The following CCDC178 variants were observed in gnomAD, a reference collection of about 807,000 sequenced individuals.
CCDC178 encodes the protein coiled-coil domain-containing protein 178.
A neutral mutation model predicts 117.4 loss-of-function variants in CCDC178; 126 were observed. The observed-to-expected ratio is 1.07, with a 90% confidence interval of 0.93 to 1.24. CCDC178 has a LOEUF of 1.24. CCDC178 is among the 50% of genes most tolerant of loss of function. CCDC178 has a pLI of 0.00. For synonymous variants in CCDC178, 283 were observed against 313.4 expected, an observed-to-expected ratio of 0.90 and a Z score of 1.02; for missense variants, 1,030 against 986.9, an observed-to-expected ratio of 1.04 and a Z score of -0.59.
intron 15 of CCDC178, among the ~76,000 whole-genome samples, chr18:33,238,506 TA>T (rs966762841): frequency 5.3e-5 from 8 of 151,044 alleles, no homozygotes; most frequent in South Asian, 2.1e-4. Flanking sequence ...GTAAATGAAA[TA>T]AAAAAAATAG....
At chr18:33,384,301 T>A (rs1014392787) in intron 5 of CCDC178, among the ~76,000 whole-genome samples, 1 of 152,078 alleles carries the variant, frequency 6.6e-6, no homozygotes, top group African/African-American at 2.4e-5. Context: ...CAGGACACCA[T>A]CCAGGAGAAC....
chr18:33,145,511 C>A (rs989130598), intron 20 of CCDC178, among the ~76,000 whole-genome samples: 5 of 152,060 alleles, frequency 3.3e-5, no homozygotes, highest in Non-Finnish European at 5.9e-5. Context: ...TCATAAAGCA[C>A]AATATTGACC....
At position 33,428,485 on chromosome 18, in the gene CCDC178, G is replaced by A. The variant is rs2064152699; in HGVS notation, c.-23+11477C>T. On this transcript the variant is annotated intron_variant, in intron 2 of 22. Transcript: ENST00000383096. ...AGGAGTGTGTCACCATGTAATCCCA[G>A]CACTTTGGGAGGCCGAGGCAGGCAG... Among the ~76,000 whole-genome samples, 8 of 152,006 alleles carry A rather than the reference G, an allele frequency of 5.3e-5. No individual in the cohort carries two copies. The South Asian group carries it at 1.7e-3, about 32-fold the overall frequency.
chr18:33,423,368 A>G (rs577650703), intron 2 of CCDC178, among the ~76,000 whole-genome samples: 18 of 152,262 alleles, frequency 1.2e-4, no homozygotes, highest in Admixed American at 6.5e-4. Context: ...GTATACTGTA[A>G]AAAAATTCGA....
At chr18:32,942,220 T>G (rs1163176765) in intron 22 of CCDC178, among the ~76,000 whole-genome samples, 1 of 152,090 alleles carries the variant, frequency 6.6e-6, no homozygotes, top group Admixed American at 6.6e-5. Flanking sequence ...GAGAACAGAG[T>G]GACCCACCAG....
At chr18:33,117,180 A>C (rs886122228) in intron 20 of CCDC178, among the ~76,000 whole-genome samples, 2 of 152,076 alleles carry the variant, frequency 1.3e-5, no homozygotes, top group African/African-American at 2.4e-5. Flanking sequence ...CTCATATTAA[A>C]ATTTACCAAA....
chr18:33,094,925 G>A (rs1011880985), intron 20 of CCDC178, among the ~76,000 whole-genome samples: 2 of 151,918 alleles, frequency 1.3e-5, no homozygotes, highest in African/African-American at 4.8e-5. Flanking sequence ...GATGTATAAT[G>A]AAGTTTAAGT....
chr18:33,435,157 T>C (rs930660862), intron 2 of CCDC178, among the ~76,000 whole-genome samples: 1 of 152,176 alleles, frequency 6.6e-6, no homozygotes, highest in African/African-American at 2.4e-5. Flanking sequence ...TTATTCCACT[T>C]AAGAGTTAAT....
At chr18:33,191,647 G>A (rs180985539) in intron 20 of CCDC178, among the ~76,000 whole-genome samples, 19 of 152,242 alleles carry the variant, frequency 1.2e-4, no homozygotes, top group African/African-American at 4.6e-4. Context: ...GAGGTTTCAT[G>A]TGCATAGAGA....
chr18:33,158,721 A>C (rs2058429455), intron 20 of CCDC178, among the ~76,000 whole-genome samples: 1 of 152,090 alleles, frequency 6.6e-6, no homozygotes, highest in Non-Finnish European at 1.5e-5. Flanking sequence ...TAGTGAAAGG[A>C]GTAGGAATTA....
intron 12 of CCDC178, among the ~76,000 whole-genome samples, chr18:33,281,672 G>A (rs2060027743): frequency 6.6e-6 from 1 of 152,086 alleles, no homozygotes; most frequent in Admixed American, 6.6e-5. Flanking sequence ...GTAAAGTTAA[G>A]GTTTTAAGAA....
At chr18:32,948,766 A>G (rs1250232303) in intron 22 of CCDC178, among the ~76,000 whole-genome samples, 1 of 152,132 alleles carries the variant, frequency 6.6e-6, no homozygotes, top group Non-Finnish European at 1.5e-5. Context: ...TTGCATAACC[A>G]GTCAATTGTC....
chr18:33,250,941 T>C (rs1345142555), intron 14 of CCDC178, among the ~76,000 whole-genome samples: 3 of 151,550 alleles, frequency 2.0e-5, no homozygotes, highest in African/African-American at 7.3e-5. Flanking sequence ...AGAAATTATA[T>C]CCAAAATGTC....
chr18:33,026,261 C>G (rs536987624), intron 21 of CCDC178, among the ~76,000 whole-genome samples: 12 of 152,078 alleles, frequency 7.9e-5, no homozygotes, highest in Non-Finnish European at 1.5e-5. Context: ...ATGAGGAATC[C>G]TGGTGTTAAT....
Position 32,944,226 on chromosome 18 carries a change from C to T in CCDC178, c.2524-6135G>A, listed in dbSNP as rs560046820. ...TTGAGGAGAGAAATACCACTTCTGG[C>T]TGGAAGTTTAGGGAAATCTAATAAA... On this transcript the variant is annotated intron_variant, in intron 22 of 22. Coordinates refer to ENST00000383096, the MANE Select transcript of CCDC178 (RefSeq NM_001105528.4). 3.2e-4 allele frequency among the ~76,000 whole-genome samples: 49 copies of T among 152,172 alleles called. 1 individual carries two copies. The South Asian group carries it at 1.0e-2, about 31-fold the overall frequency.
intron 12 of CCDC178, among the ~76,000 whole-genome samples, chr18:33,273,602 G>C (rs2059912974): frequency 6.6e-6 from 1 of 151,614 alleles, no homozygotes; most frequent in South Asian, 2.1e-4. Flanking sequence ...ACAGTGTCTA[G>C]ACAATTCAAT....
intron 20 of CCDC178, among the ~76,000 whole-genome samples, chr18:33,135,197 T>C (rs2058110399): frequency 6.6e-6 from 1 of 152,114 alleles, no homozygotes; most frequent in Admixed American, 6.6e-5. Context: ...AAGAGCACCT[T>C]GGATTTATTG....
chr18:33,225,718 C>T (rs1384390222), intron 16 of CCDC178, among the ~76,000 whole-genome samples: 3 of 152,076 alleles, frequency 2.0e-5, no homozygotes, highest in East Asian at 3.9e-4. Flanking sequence ...ATAAAACATA[C>T]GTATAGAAAT....
At chr18:33,169,367 T>C (rs931483199) in intron 20 of CCDC178, among the ~76,000 whole-genome samples, 5 of 152,058 alleles carry the variant, frequency 3.3e-5, no homozygotes, top group Non-Finnish European at 5.9e-5. Context: ...ATAGAAAAAT[T>C]TGGCTGGTTG....
Sources: allele counts gnomAD v4.1 joint callset (sites outside exome capture counted in the v4.1 genomes callset), GRCh38; gene constraint gnomAD v4.1.1; transcripts MANE v1.5; gene names NCBI Gene and HGNC (gene_info 2026-07-23, HGNC 2026-07-21).